TAF6L: variants seen among roughly 807,000 people sequenced by gnomAD.
The protein encoded by TAF6L is TATA-box binding protein associated factor 6 like.
Under a neutral mutation model 57.3 loss-of-function variants are expected in TAF6L, and 34 were observed. The ratio of observed to expected loss-of-function variants is 0.59; its 90% CI spans 0.45 to 0.79. The LOEUF (loss-of-function observed/expected upper bound fraction) is 0.79. TAF6L is among the 30% of genes least tolerant of loss of function. The pLI is 0.00. For synonymous variants in TAF6L, 417 were observed against 376.3 expected (o/e 1.11, Z -1.25); for missense variants, 782 against 853.2 (o/e 0.92, Z 1.04).
intron 1 of TAF6L, 143 bp from the exon 2 acceptor site, chr11:62,775,628 C>G (rs2084180505): frequency 1.2e-6 from 1 of 848,436 alleles, no homozygotes; most frequent in Non-Finnish European, 1.8e-6. Flanking sequence ...CTGAGCCTCA[C>G]TTTCCTCATC....
intron 1 of TAF6L, among the ~76,000 whole-genome samples, chr11:62,772,350 C>T (rs1035314812): frequency 1.3e-5 from 2 of 151,760 alleles, no homozygotes. Context: ...GGTGAAACCT[C>T]GTCTCTACTA....
At chr11:62,776,647 T>G (rs2134703447) in intron 3 of TAF6L, among the ~76,000 whole-genome samples, 177 bp downstream of exon 3, 1 of 151,660 alleles carries the variant, frequency 6.6e-6, no homozygotes, top group Admixed American at 6.6e-5. Flanking sequence ...GGCCAGGACT[T>G]CAAGACCAGC....
rs137976004 is a variant in TAF6L at position 62,778,912 on chromosome 11, C to T, written c.480C>T (p.Tyr160=). 22 of 1,614,018 alleles carry T rather than the reference C, an allele frequency of 1.4e-5. 2 individuals are homozygous for T. The African/African-American group carries it at 2.5e-4, about 19-fold the overall frequency. Residue 160 remains tyrosine (Y), a synonymous_variant, in exon 6 of 11, where the codon TAC becomes TAT. Coordinates refer to ENST00000294168, the MANE Select transcript of TAF6L (RefSeq NM_006473.4). Reference sequence around the variant, plus strand: ...CACTGACAGATGACCTTCTCAAGTACTATCACCAGGTGACTCGTGCTGTGC... The same window carrying T: ...CACTGACAGATGACCTTCTCAAGTATTATCACCAGGTGACTCGTGCTGTGC... ...VSSLTDDLLK[Y]YHQVTRAVLG...
Position 62,782,232 on chromosome 11 carries a change from C to G in TAF6L, c.726C>G (p.Val242=), listed in dbSNP as rs370896310. ...GPYVRCLVGS[V]LYCVLEPLAA... ...ATGTCCGCTGTCTGGTGGGCAGTGT[C>G]CTCTACTGTGTCCTGGAGCCACTGG... Residue 242 remains valine (V), a synonymous_variant, in exon 8 of 11, where the codon GTC becomes GTG. Transcript: ENST00000294168. 1 of 1,614,222 alleles carries G rather than the reference C, an allele frequency of 6.2e-7. No individual in the cohort carries two copies. The highest frequency in any genetic ancestry group is 8.5e-7 in the Non-Finnish European group (1 of 1,180,044).
intron 1 of TAF6L, 49 bp from the exon 2 acceptor site, chr11:62,775,722 C>A (rs2084181959): frequency 1.3e-6 from 2 of 1,549,868 alleles, no homozygotes; most frequent in Non-Finnish European, 8.7e-7. Flanking sequence ...CACTCCTGGG[C>A]TCTCCGGGAG....
At chr11:62,785,148 TTGAG>T (rs1469348467) in intron 9 of TAF6L, among the ~76,000 whole-genome samples, 3 of 151,998 alleles carry the variant, frequency 2.0e-5, no homozygotes, top group Non-Finnish European at 4.4e-5. Context: ...TATCTTTTTC[TTGAG>T]TGTCTGTAGA....
chr11:62,781,258 G>GAA (rs1351990742), intron 6 of TAF6L, among the ~76,000 whole-genome samples: 1 of 138,770 alleles, frequency 7.2e-6, no homozygotes, highest in African/African-American at 3.0e-5. Flanking sequence ...AAAAGAAAAA[G>GAA]AAACTGAAAA....
chr11:62,785,510 C>T (rs1249095904), intron 9 of TAF6L, among the ~76,000 whole-genome samples: 5 of 144,262 alleles, frequency 3.5e-5, no homozygotes, highest in African/African-American at 7.7e-5. Context: ...CCTTATAGGC[C>T]CAGCTGGTAT....
chr11:62,777,064 G>A (rs1035490346), intron 3 of TAF6L, among the ~76,000 whole-genome samples: 3 of 151,000 alleles, frequency 2.0e-5, no homozygotes, highest in South Asian at 2.1e-4. Context: ...GGAGAATCGC[G>A]TGAACCTGGG....
At chr11:62,779,952 CTATA>C (rs1225374367) in intron 6 of TAF6L, among the ~76,000 whole-genome samples, 1,170 of 100,030 alleles carry the variant, frequency 0.012, 50 homozygotes, top group African/African-American at 0.05. Context: ...AGGCGTGAGC[CTATA>C]TATATATATA....
At chr11:62,774,318 C>A (rs371316073) in intron 1 of TAF6L, among the ~76,000 whole-genome samples, 1 of 152,130 alleles carries the variant, frequency 6.6e-6, no homozygotes, top group African/African-American at 2.4e-5. Flanking sequence ...CCTTGTGATC[C>A]GCCTGCCTCG....
At chr11:62,779,952 C>CTATATATATATATATATATATATATA (rs1225374367) in intron 6 of TAF6L, among the ~76,000 whole-genome samples, 1 of 100,064 alleles carries the variant, frequency 1.0e-5, no homozygotes, top group African/African-American at 4.5e-5. Context: ...AGGCGTGAGC[C>CTATATATATATATATATATATATATA]TATATATATA....
chr11:62,774,520 C>G, intron 1 of TAF6L: 1 of 452,108 alleles, frequency 2.2e-6, no homozygotes, highest in Non-Finnish European at 4.4e-6. Flanking sequence ...GGGGGCAATG[C>G]CTGGGTGGGT....
At chr11:62,773,470 G>A (rs1458045471) in intron 1 of TAF6L, among the ~76,000 whole-genome samples, 1 of 140,530 alleles carries the variant, frequency 7.1e-6, no homozygotes, top group African/African-American at 2.7e-5. Flanking sequence ...TTTTTGAGAC[G>A]GAGTTTTCCC....
chr11:62,786,661 G>A lies in TAF6L; in HGVS notation c.1234G>A (p.Glu412Lys), dbSNP rs2084280355. 1 of 1,611,382 alleles carries A rather than the reference G, an allele frequency of 6.2e-7. No homozygotes were observed. The highest frequency in any genetic ancestry group is 1.3e-5 in the African/African-American group (1 of 74,940). The change falls in exon 11 of 11, where the codon GAA (glutamate) becomes AAA (lysine). Residue 412 changes from glutamate (E) to lysine (K), a missense_variant. Around this residue, in one of 3 missense-constraint regions of TAF6L, gnomAD observed 483 missense variants for 445.1 expected, o/e 1.09. Coordinates refer to ENST00000294168, the MANE Select transcript of TAF6L (RefSeq NM_006473.4). ...FQESSSGGGAEPSFGSGLPLP... is the reference protein window; with the variant it reads ...FQESSSGGGAKPSFGSGLPLP... ...AGAGTCGTCCTCCGGGGGCGGTGCA[G>A]AACCCAGCTTTGGGTCCGGCCTCCC...
intron 1 of TAF6L, among the ~76,000 whole-genome samples, chr11:62,773,887 G>A (rs1162371849): frequency 6.6e-6 from 1 of 152,152 alleles, no homozygotes; most frequent in East Asian, 1.9e-4. Flanking sequence ...GGGGGTGGAG[G>A]ACAGGGAGGA....
chr11:62,786,565 A>C lies in TAF6L; in HGVS notation c.1138A>C (p.Asn380His). Reference protein sequence around the residue: ...LKMKAQAAEPNRGGPGGRGCR... With the variant: ...LKMKAQAAEPHRGGPGGRGCR... ...GATGAAGGCCCAGGCAGCAGAGCCC[A>C]ACAGGGGTGGCCCAGGTGGCAGGGG... The change falls in exon 11 of 11, where the codon AAC (asparagine) becomes CAC (histidine). Residue 380 changes from asparagine (N) to histidine (H), a missense_variant. Asn to His is a moderately conservative substitution (Grantham distance 68). This residue lies in a region of TAF6L where 483 missense variants were observed against 445.1 expected (regional missense o/e 1.09). Coordinates refer to ENST00000294168, the MANE Select transcript of TAF6L (RefSeq NM_006473.4). 1 of 1,568,682 alleles carries C rather than the reference A, an allele frequency of 6.4e-7. No individual in the cohort carries two copies. The highest frequency in any genetic ancestry group is 1.4e-5 in the African/African-American group (1 of 73,744).
At position 62,786,272 on chromosome 11, in the gene TAF6L, G is replaced by A. The variant is rs765485371; in HGVS notation, c.973G>A (p.Val325Ile). The stretch of plus-strand genomic sequence containing the variant: ...CTCTTCCTTCCAGGCAGTAGAACGA[G>A]TCCTGTACCCACACCTGTCCACCTA... ...HALGWKAVERVLYPHLSTYWT... is the reference protein window; with the variant it reads ...HALGWKAVERILYPHLSTYWT... Residue 325 changes from valine to isoleucine, a missense_variant, in exon 10 of 11, where the codon GTC (valine) becomes ATC (isoleucine). This residue lies in a region of TAF6L where 483 missense variants were observed against 445.1 expected (regional missense o/e 1.09). Transcript: ENST00000294168. The A allele has an allele frequency of 2.5e-6, 4 of 1,613,530 alleles. No homozygotes were observed. In the African/African-American group the frequency reaches 4.0e-5, roughly 16 times the overall value.
intron 1 of TAF6L, 186 bp from the exon 2 acceptor site, chr11:62,775,585 G>A (rs970947796): frequency 1.3e-4 from 79 of 598,646 alleles, no homozygotes; most frequent in African/African-American, 1.2e-3. Flanking sequence ...TAGCTTCACC[G>A]TTCTTGACCC....
Sources: gnomAD v4.1 joint callset for allele counts (sites outside exome capture counted in the v4.1 genomes callset) on GRCh38, gnomAD v4.1.1 for gene constraint, gnomAD v4.1.1 regional missense constraint, MANE v1.5 for transcripts, NCBI Gene and HGNC (gene_info 2026-07-23, HGNC 2026-07-21) for gene names.